PCDH15: variants seen among roughly 807,000 people sequenced by gnomAD.
PCDH15 encodes the protein protocadherin related 15.
PCDH15 carries 129 observed loss-of-function variants against 178.5 expected under a neutral mutation model. The observed-to-expected ratio is 0.72, with a 90% CI of 0.63 to 0.84. The LOEUF is 0.84. Ranked by LOEUF, PCDH15 falls within the 40% of genes least tolerant of loss-of-function variation. The pLI, the probability that PCDH15 is intolerant of heterozygous loss-of-function variation, is 0.00. For missense variants in PCDH15, 2,230 were observed against 2,099.9 expected, an observed-to-expected ratio of 1.06 and a Z score of -1.21; for synonymous variants, 800 against 732.0, an observed-to-expected ratio of 1.09 and a Z score of -1.50.
chr10:54,671,024 C>T (rs570425486), intron 1 of PCDH15, among the ~76,000 whole-genome samples: 1 of 152,154 alleles, frequency 6.6e-6, no homozygotes, highest in East Asian at 1.9e-4. Flanking sequence ...TAGATAAATA[C>T]ATTTCTCACT....
intron 2 of PCDH15, among the ~76,000 whole-genome samples, chr10:55,009,409 A>G (rs1045753599): frequency 2.0e-5 from 3 of 152,110 alleles, no homozygotes; most frequent in Admixed American, 1.3e-4. Flanking sequence ...TACTACCCTA[A>G]GAAGAATAAG....
chr10:53,825,207 A>T, intron 32 of PCDH15: 1 of 1,490,020 alleles, frequency 6.7e-7, no homozygotes, highest in East Asian at 2.5e-5. Flanking sequence ...ACTAGAGTTA[A>T]TTTAAAACAA....
chr10:55,459,269 GC>G (rs1839621009), intron 2 of PCDH15, among the ~76,000 whole-genome samples: 1 of 138,380 alleles, frequency 7.2e-6, no homozygotes, highest in Non-Finnish European at 1.5e-5. Flanking sequence ...AATAAATCTT[GC>G]CAAATATTCA....
At chr10:54,720,120 G>A (rs755951132) in intron 1 of PCDH15, among the ~76,000 whole-genome samples, 1 of 152,060 alleles carries the variant, frequency 6.6e-6, no homozygotes, top group Non-Finnish European at 1.5e-5. Context: ...TTCAACCATT[G>A]TGGAAGATAG....
chr10:54,130,382 G>C (rs111307010), intron 15 of PCDH15, among the ~76,000 whole-genome samples: 2 of 152,222 alleles, frequency 1.3e-5, no homozygotes, highest in Admixed American at 6.5e-5. Flanking sequence ...ATTTCGGCGC[G>C]GTCTGGCTCC....
At chr10:55,126,119 T>C (rs1039585936) in intron 2 of PCDH15, among the ~76,000 whole-genome samples, 3 of 152,052 alleles carry the variant, frequency 2.0e-5, no homozygotes, top group African/African-American at 4.8e-5. Flanking sequence ...CTCCCTTTCC[T>C]GCTGCAACTC....
intron 2 of PCDH15, among the ~76,000 whole-genome samples, chr10:55,355,574 A>C (rs1358338730): frequency 2.0e-5 from 3 of 152,036 alleles, no homozygotes; most frequent in Non-Finnish European, 4.4e-5. Context: ...CCAATTTTTA[A>C]AAAACTGAAT....
At chr10:53,938,787 G>T (rs936875805) in intron 25 of PCDH15, 28 bp downstream of exon 25, 1 of 1,607,802 alleles carries the variant, frequency 6.2e-7, no homozygotes, top group Non-Finnish European at 8.5e-7. Context: ...ATACAATTCT[G>T]GTAAAAGCTT....
intron 1 of PCDH15, among the ~76,000 whole-genome samples, chr10:54,679,051 G>C (rs1171295967): frequency 6.6e-6 from 1 of 151,510 alleles, no homozygotes; most frequent in African/African-American, 2.4e-5. Context: ...TTAGCCGGGC[G>C]TGTTGGCGGG....
At chr10:54,347,846 ATTAT>A (rs374427938) in intron 5 of PCDH15, among the ~76,000 whole-genome samples, 3 of 151,548 alleles carry the variant, frequency 2.0e-5, no homozygotes, top group Non-Finnish European at 4.4e-5. Flanking sequence ...ACAGATTTTT[ATTAT>A]TTATTTATTT....
intron 2 of PCDH15, among the ~76,000 whole-genome samples, chr10:55,572,658 A>C (rs547162689): frequency 1.3e-5 from 2 of 152,124 alleles, no homozygotes; most frequent in East Asian, 3.9e-4. Flanking sequence ...TGAAATATAA[A>C]TCACGTAAGG....
intron 3 of PCDH15, among the ~76,000 whole-genome samples, chr10:54,490,790 C>T (rs1201096296): frequency 6.6e-6 from 1 of 152,078 alleles, no homozygotes; most frequent in Non-Finnish European, 1.5e-5. Context: ...TGTCAATTTA[C>T]TATTTTTTAC....
intron 2 of PCDH15, chr10:55,468,399 G>A (rs983796998): frequency 1.3e-5 from 2 of 152,176 alleles, no homozygotes; most frequent in African/African-American, 4.8e-5. Flanking sequence ...TAATTCCTGA[G>A]TAGCATTAAA....
chr10:55,620,347 G>C (rs1305430656), intron 2 of PCDH15, among the ~76,000 whole-genome samples: 39 of 151,812 alleles, frequency 2.6e-4, no homozygotes. Context: ...ATTTGCACAG[G>C]TTATATATTT....
intron 1 of PCDH15, among the ~76,000 whole-genome samples, chr10:55,281,638 A>C (rs1463129050): frequency 6.6e-6 from 1 of 152,104 alleles, no homozygotes; most frequent in Non-Finnish European, 1.5e-5. Context: ...TCTATATGAC[A>C]ATGACTCGCA....
chr10:55,581,811 C>T (rs769312812), intron 2 of PCDH15, among the ~76,000 whole-genome samples: 2 of 152,030 alleles, frequency 1.3e-5, no homozygotes, highest in Non-Finnish European at 2.9e-5. Flanking sequence ...CACATACATG[C>T]GTGCACACAC....
At chr10:55,014,849 T>C (rs978719133) in intron 2 of PCDH15, among the ~76,000 whole-genome samples, 1 of 152,216 alleles carries the variant, frequency 6.6e-6, no homozygotes, top group African/African-American at 2.4e-5. Flanking sequence ...ATGTTTCTTT[T>C]ATGAGAAATA....
At chr10:54,378,104 T>C (rs1053439728) in intron 4 of PCDH15, among the ~76,000 whole-genome samples, 2 of 151,896 alleles carry the variant, frequency 1.3e-5, no homozygotes, top group African/African-American at 4.8e-5. Flanking sequence ...TTCAAATTTT[T>C]TGTCAAGACA....
At chr10:54,970,205 C>T (rs2131892992) in intron 2 of PCDH15, among the ~76,000 whole-genome samples, 1 of 152,254 alleles carries the variant, frequency 6.6e-6, no homozygotes, top group African/African-American at 2.4e-5. Context: ...CTTGGATGTT[C>T]AGCCTCCAGA....
Sources: allele counts gnomAD v4.1 joint callset (sites outside exome capture counted in the v4.1 genomes callset), GRCh38; gene constraint gnomAD v4.1.1; transcripts MANE v1.5; gene names NCBI Gene and HGNC (gene_info 2026-07-23, HGNC 2026-07-21).